ZNF414: variants seen among roughly 807,000 people sequenced by gnomAD.
The protein encoded by ZNF414 is zinc finger protein 414.
ZNF414 carries 32 observed loss-of-function variants against 38.3 expected under a neutral mutation model. That is an observed-to-expected ratio of 0.83 (90% CI 0.63 to 1.12). The LOEUF (loss-of-function observed/expected upper bound fraction) is 1.12. ZNF414 is among the 50% of genes most tolerant of loss of function. The probability of loss-of-function intolerance (pLI) is 0.00; values close to 1 mark genes in which losing one functional copy is unlikely to be tolerated. For missense variants in ZNF414, 589 were observed against 557.4 expected (o/e 1.06, Z -0.57); for synonymous variants, 256 against 248.0 (o/e 1.03, Z -0.30).
Position 8,514,166 on chromosome 19 carries a change from T to C in ZNF414, c.-120A>G, listed in dbSNP as rs1971958608. 8.1e-7 allele frequency: 1 copy of C among 1,234,176 alleles called. No homozygotes were observed. The highest frequency in any genetic ancestry group is 1.0e-6 in the Non-Finnish European group (1 of 954,246). The allele number at this position is 1,234,176 out of a possible 1,614,324, so 76.5% of individuals were successfully genotyped here. A position where few individuals can be genotyped will look rare whatever the true frequency, so the allele number is the denominator to read the frequency against. ...AGCGCCATTTTCCACCTCTCAGCTC[T>C]CGCGAGACTGGGGGCGGGGCCTGCG... On this transcript the variant is annotated 5_prime_UTR_variant, in exon 1 of 8. Transcript: ENST00000393927.
chr19:8,511,371 C>T, intron 6 of ZNF414, 115 bp downstream of exon 6: 1 of 1,493,216 alleles, frequency 6.7e-7, no homozygotes, highest in South Asian at 1.3e-5. Flanking sequence ...GGGACGGTGG[C>T]ATTTGTGCCC....
intron 6 of ZNF414, 21 bp downstream of exon 6, chr19:8,511,465 C>G: frequency 1.2e-6 from 2 of 1,610,118 alleles, no homozygotes; most frequent in Non-Finnish European, 1.7e-6. Context: ...CCACCCCTCC[C>G]TGGTGGTCAC....
At position 8,512,043 on chromosome 19, in the gene ZNF414, G is replaced by A. The variant is rs534768781; in HGVS notation, c.531-83C>T. 126 of 1,389,292 alleles carry A rather than the reference G, an allele frequency of 9.1e-5. 1 individual carries two copies. In the Admixed American group the frequency reaches 1.4e-3, roughly 15 times the overall value. 86.1% of individuals were successfully genotyped at this position (1,389,292 alleles called of 1,614,324 possible). ...TCCTGTGCAATGCCACCCGCCCTTCGAGCGTGGGAACGGAGCCTGGGCACT... is the reference window on the plus strand; with the variant it reads ...TCCTGTGCAATGCCACCCGCCCTTCAAGCGTGGGAACGGAGCCTGGGCACT... On this transcript the variant is annotated intron_variant, in intron 4 of 7. Coordinates refer to ENST00000393927, the MANE Select transcript of ZNF414 (RefSeq NM_001146175.2).
chr19:8,513,947 T>TG, intron 1 of ZNF414, 97 bp downstream of exon 1: 2 of 1,300,196 alleles, frequency 1.5e-6, no homozygotes, highest in Non-Finnish European at 2.0e-6. Flanking sequence ...TGCCCGGATG[T>TG]GGGGGCGGGG....
chr19:8,512,662 G>C lies in ZNF414; in HGVS notation c.366C>G (p.Ser122Arg), dbSNP rs1197952665. The C allele has an allele frequency of 6.3e-7, 1 of 1,587,704 alleles. No homozygotes were observed. Among genetic ancestry groups the C allele is most frequent in the African/African-American group, 1.3e-5 (1 of 74,586 alleles). ...SSPGCCLSFP[S>R]VRDLAQHLRT... ...GCAGATGCTGTGCCAGGTCACGGAC[G>C]CTGGGAAAACTGAGGCAGCAGCCAG... The change falls in exon 3 of 8, where the codon AGC becomes AGG. Residue 122 changes from serine (S) to arginine (R), a missense_variant. Ser to Arg is a moderately radical substitution (Grantham distance 110). Coordinates refer to ENST00000393927, the MANE Select transcript of ZNF414 (RefSeq NM_001146175.2).
In ZNF414 at chr19:8,512,228, G is replaced by T. The variant is rs1188180698; in HGVS notation, c.530+159C>A. The T allele has an allele frequency of 1.7e-5, 24 of 1,443,502 alleles. No homozygotes were observed. In the East Asian group the frequency reaches 5.7e-4, roughly 34 times the overall value. The allele number at this position is 1,443,502 out of a possible 1,614,324, so 89.4% of individuals were successfully genotyped here. Reference sequence around the variant, plus strand: ...GCTGGGTGGGGCCACGCCCACGTATGCCCCGCCCCATCCAGGGAGTTGAGG... The same window carrying T: ...GCTGGGTGGGGCCACGCCCACGTATTCCCCGCCCCATCCAGGGAGTTGAGG... On this transcript the variant is annotated intron_variant, in intron 4 of 7. Coordinates refer to ENST00000393927, the MANE Select transcript of ZNF414 (RefSeq NM_001146175.2).
In ZNF414 at chr19:8,511,739, C is replaced by T. The variant is rs757407418; in HGVS notation, c.752G>A (p.Gly251Glu). The change falls in exon 5 of 8, where the codon GGA becomes GAA. Residue 251 changes from glycine (G) to glutamate (E), a missense_variant. Transcript: ENST00000393927. ...AGGGTTCAAGTAGGGCAGGAACGGT[C>T]CGGTGGGGGCAGGGGCGGGGGTCGT... is the stretch of plus-strand genomic sequence containing the variant. ...PFTTPAPAPT[G>E]PFLPYLNPAP... The T allele has an allele frequency of 1.0e-5, 15 of 1,462,496 alleles. No homozygotes were observed. Among genetic ancestry groups the T allele is most frequent in the Non-Finnish European group, 1.3e-5 (15 of 1,113,906 alleles). 90.6% of individuals were successfully genotyped at this position (1,462,496 alleles called of 1,614,324 possible). A position where few individuals can be genotyped will look rare whatever the true frequency, so the allele number is the denominator to read the frequency against.
At chr19:8,512,336 C>T (rs1430756259) in intron 4 of ZNF414, 51 bp downstream of exon 4, 1 of 1,598,420 alleles carries the variant, frequency 6.3e-7, no homozygotes, top group Non-Finnish European at 8.6e-7. Context: ...CTGGAGCCCA[C>T]ACATAGGGTG....
At position 8,510,473 on chromosome 19, in the gene ZNF414, G is replaced by GACCCCCC. The variant is rs1971897744; in HGVS notation, c.*217_*218insGGGGGGT. The GACCCCCC allele has an allele frequency of 2.3e-6, 1 of 427,796 alleles. No homozygotes were observed. The highest frequency in any genetic ancestry group is 4.2e-6 in the Non-Finnish European group (1 of 238,956). The allele number at this position is 427,796 out of a possible 1,614,324, so 26.5% of individuals were successfully genotyped here. A position where few individuals can be genotyped will look rare whatever the true frequency, so the allele number is the denominator to read the frequency against. ...AGACAGGACACAGGTGGGCTGTGAG[G>GACCCCCC]CCTGCACCTGTGGACCCAGGTGGTC... On this transcript the variant is annotated 3_prime_UTR_variant, in exon 8 of 8. Transcript: ENST00000393927.
intron 6 of ZNF414, 91 bp from the exon 7 acceptor site, chr19:8,511,115 G>C (rs1278564602): frequency 1.6e-6 from 2 of 1,278,958 alleles, no homozygotes; most frequent in African/African-American, 3.1e-5. Context: ...AGGGTGGGTG[G>C]GACTTTTTCC....
Position 8,513,142 on chromosome 19 carries a change from G to T in ZNF414, c.203C>A (p.Ser68Tyr). The T allele has an allele frequency of 6.5e-7, 1 of 1,543,430 alleles. No individual in the cohort carries two copies. The highest frequency in any genetic ancestry group is 2.4e-5 in the East Asian group (1 of 41,104). Residue 68 changes from serine (S) to tyrosine (Y), a missense_variant, in exon 2 of 8, where the codon TCC becomes TAC. By Grantham distance (144) the Ser-to-Tyr change is moderately radical. Coordinates refer to ENST00000393927, the MANE Select transcript of ZNF414 (RefSeq NM_001146175.2). ...RGGAGGMQQG[S>Y]SPAPDSCQPG... ...CTGGCAGCTGTCTGGGGCTGGGGAG[G>T]AGCCCTGCTGCATCCCTCCAGCCCC... is the stretch of plus-strand genomic sequence containing the variant.
At chr19:8,512,861 C>A in intron 2 of ZNF414, 150 bp from the exon 3 acceptor site, 1 of 1,179,868 alleles carries the variant, frequency 8.5e-7, no homozygotes, top group Non-Finnish European at 1.1e-6. Context: ...AGTGCAGGGG[C>A]TGGACTGGCC....
rs542839598 is a variant in ZNF414 at position 8,512,155 on chromosome 19, T to C, written c.531-195A>G. 3.2e-6 allele frequency: 4 copies of C among 1,232,544 alleles called. No individual in the cohort carries two copies. The East Asian group carries it at 8.3e-5, about 26-fold the overall frequency. 76.4% of individuals were successfully genotyped at this position (1,232,544 alleles called of 1,614,324 possible). The stretch of plus-strand genomic sequence containing the variant: ...ACCTGGGGAAACCCGGAAAGAAGTC[T>C]CAATTTTAAGTTAGGCGGCCGGTTT... On this transcript the variant is annotated intron_variant, in intron 4 of 7. Transcript: ENST00000393927.
chr19:8,512,081 G>A (rs1354815204), intron 4 of ZNF414, 121 bp from the exon 5 acceptor site: 1 of 1,404,438 alleles, frequency 7.1e-7, no homozygotes, highest in African/African-American at 1.4e-5. Flanking sequence ...TCACCTCCCC[G>A]CTCCTGTACA....
At chr19:8,513,955 G>C in intron 1 of ZNF414, 89 bp downstream of exon 1, 1 of 1,310,870 alleles carries the variant, frequency 7.6e-7, no homozygotes, top group Non-Finnish European at 9.8e-7. Flanking sequence ...TGTGGGGGCG[G>C]GGTCGGCCGG....
At position 8,513,920 on chromosome 19, in the gene ZNF414, A is replaced by C. The variant is rs1971953705; in HGVS notation, c.3+124T>G. On this transcript the variant is annotated intron_variant, in intron 1 of 7. Coordinates refer to ENST00000393927, the MANE Select transcript of ZNF414 (RefSeq NM_001146175.2). ...GGAAGTAGGGCGCTCTCCGAGTGAC[A>C]GCCAGCGGCGGACGGGTGCCCGGAT... 4.2e-6 allele frequency: 5 copies of C among 1,202,514 alleles called. No homozygotes were observed. In the Admixed American group the frequency reaches 1.3e-4, roughly 30 times the overall value. The allele number at this position is 1,202,514 out of a possible 1,614,324, so 74.5% of individuals were successfully genotyped here.
In ZNF414 at chr19:8,512,607, C is replaced by A; in HGVS notation, c.421G>T (p.Glu141Ter). Reference sequence around the variant, plus strand: ...CCATTACCAGTCCTGGCCCTACCTTCCAGGGACTGTGTGGGCGGGCAGTGG... The same window carrying A: ...CCATTACCAGTCCTGGCCCTACCTTACAGGGACTGTGTGGGCGGGCAGTGG... ...RTHCPPTQSL[E>*]GKLFRCSALS... is the part of the protein sequence containing the mutation. The change falls in exon 3 of 8, where the codon GAA becomes TAA. Residue 141 changes from glutamate (E) to a stop codon, truncating the protein, a stop_gained. Coordinates refer to ENST00000393927, the MANE Select transcript of ZNF414 (RefSeq NM_001146175.2). LOFTEE classifies it high-confidence loss of function. 1.3e-6 allele frequency: 2 copies of A among 1,591,576 alleles called. No homozygotes were observed. The highest frequency in any genetic ancestry group is 3.6e-5 in the Admixed American group (2 of 56,144).
intron 4 of ZNF414, 152 bp from the exon 5 acceptor site, chr19:8,512,112 T>A (rs1403702621): frequency 7.0e-7 from 1 of 1,424,272 alleles, no homozygotes; most frequent in Non-Finnish European, 9.1e-7. Context: ...CGACCCTTCC[T>A]GACCACTTCG....
Position 8,511,932 on chromosome 19 carries a change from T to C in ZNF414, c.559A>G (p.Thr187Ala). 1 of 1,422,768 alleles carries C rather than the reference T, an allele frequency of 7.0e-7. No homozygotes were observed. The highest frequency in any genetic ancestry group is 9.1e-7 in the Non-Finnish European group (1 of 1,097,298). 88.1% of individuals were successfully genotyped at this position (1,422,768 alleles called of 1,614,324 possible). The change falls in exon 5 of 8, where the codon ACG (threonine) becomes GCG (alanine). Residue 187 changes from threonine (T) to alanine (A), a missense_variant. Physicochemically the swap from Thr to Ala is moderately conservative, Grantham distance 58. Coordinates refer to ENST00000393927, the MANE Select transcript of ZNF414 (RefSeq NM_001146175.2). The stretch of plus-strand genomic sequence containing the variant: ...AGGTGCTTGAAGAGCGAGCGGTGCG[T>C]GCGGAAGCGCAGGAGGCAGTTCTCA... ...KCENCLLRFRTHRSLFKHLHV... is the reference protein window; with the variant it reads ...KCENCLLRFRAHRSLFKHLHV...
Sources: allele counts gnomAD v4.1 joint callset, GRCh38; gene constraint gnomAD v4.1.1; transcripts MANE v1.5; gene names NCBI Gene and HGNC (gene_info 2026-07-23, HGNC 2026-07-21).